SPATA6: variants seen among roughly 807,000 people sequenced by gnomAD.
The protein encoded by SPATA6 is spermatogenesis associated 6.
Under a neutral mutation model 65.3 loss-of-function variants are expected in SPATA6, and 56 were observed. The ratio of observed to expected loss-of-function variants is 0.86; its 90% confidence interval spans 0.69 to 1.07. SPATA6 has a LOEUF of 1.07. Ranked by LOEUF, SPATA6 falls within the 50% of genes least tolerant of loss-of-function variation. The pLI, the probability that SPATA6 is intolerant of heterozygous loss-of-function variation, is 0.00. For synonymous variants in SPATA6, 199 were observed against 213.2 expected, an observed-to-expected ratio of 0.93 and a Z score of 0.58; for missense variants, 590 against 594.8, an observed-to-expected ratio of 0.99 and a Z score of 0.08.
At chr1:48,381,663 T>TA (rs1397110895) in intron 9 of SPATA6, among the ~76,000 whole-genome samples, 3 of 141,342 alleles carry the variant, frequency 2.1e-5, no homozygotes, top group South Asian at 2.3e-4. Flanking sequence ...TTTTTTTTTT[T>TA]ATATGAATAG....
At chr1:48,264,016 G>A in the SPATA6 span, among the ~76,000 whole-genome samples, 2 of 151,906 alleles carry the variant, frequency 1.3e-5, no homozygotes, top group African/African-American at 4.8e-5. Context: ...TTTTGTAGAA[G>A]CTAAGTCTTG....
rs530581340 is a variant in SPATA6 at position 48,411,318 on chromosome 1, CAATT to C, written c.405+142_405+145del. Reference sequence around the variant, plus strand: ...TTAAGTAACATATTGAAATCTAAAACAATTAAGATTTAAACTACAAAACAATTAA... The same window carrying C: ...TTAAGTAACATATTGAAATCTAAAACAAGATTTAAACTACAAAACAATTAA... On this transcript the variant is annotated intron_variant, in intron 5 of 12. Transcript: ENST00000371847. The C allele has an allele frequency of 2.4e-4, 220 of 906,880 alleles. 1 individual carries two copies. The African/African-American group carries it at 3.3e-3, about 14-fold the overall frequency. 56.2% of individuals were successfully genotyped at this position (906,880 alleles called of 1,614,324 possible).
chr1:48,461,443 G>A (rs571928279), intron 1 of SPATA6, among the ~76,000 whole-genome samples: 1 of 152,006 alleles, frequency 6.6e-6, no homozygotes, highest in South Asian at 2.1e-4. Context: ...TAATGCCTAG[G>A]TTTTCTTCTA....
At chr1:48,308,392 T>G (rs1438380722) in intron 11 of SPATA6, among the ~76,000 whole-genome samples, 3 of 152,100 alleles carry the variant, frequency 2.0e-5, no homozygotes, top group Non-Finnish European at 4.4e-5. Flanking sequence ...TTTACATAAA[T>G]TACATCTTTA....
chr1:48,422,388 A>C (rs1653431009), intron 3 of SPATA6, among the ~76,000 whole-genome samples: 1 of 152,188 alleles, frequency 6.6e-6, no homozygotes, highest in African/African-American at 2.4e-5. Context: ...GAGAAATGAA[A>C]GACTGGAAAA....
rs891523485 is a variant in SPATA6 at position 48,325,498 on chromosome 1, T to C, written c.1195-19620A>G. 6.5e-6 allele frequency: 8 copies of C among 1,236,440 alleles called. No homozygotes were observed. In the Admixed American group the frequency reaches 1.0e-4, roughly 16 times the overall value. 76.6% of individuals were successfully genotyped at this position (1,236,440 alleles called of 1,614,324 possible). On this transcript the variant is annotated intron_variant, in intron 11 of 12. Coordinates refer to ENST00000371847, the MANE Select transcript of SPATA6 (RefSeq NM_019073.4). ...GAGGGATCCACATTCTCTGAGTTGA[T>C]GATCTCATCATCCTCACTGAATGTC...
At chr1:48,313,406 A>C (rs1645289725) in intron 11 of SPATA6, among the ~76,000 whole-genome samples, 1 of 152,208 alleles carries the variant, frequency 6.6e-6, no homozygotes, top group African/African-American at 2.4e-5. Context: ...TCTTAAAGAA[A>C]AGAATTTTCA....
rs34415296 is a variant in SPATA6, at chr1:48,418,544, C to CAAAAAAAAAA, written c.239-5403_239-5394dup. Among the ~76,000 whole-genome samples the CAAAAAAAAAA allele has an allele frequency of 4.8e-4, 24 of 49,696 alleles. 1 individual carries two copies. The highest frequency in any genetic ancestry group is 7.3e-4 in the Non-Finnish European group (22 of 30,034). The allele number at this position is 49,696 out of a possible 152,430, so 32.6% of individuals were successfully genotyped here. On this transcript the variant is annotated intron_variant, in intron 3 of 12. Coordinates refer to ENST00000371847, the MANE Select transcript of SPATA6 (RefSeq NM_019073.4). ...GCAACATGGCAAGAACCCATCCCTA[C>CAAAAAAAAAA]AAAAAAAAAAAAAAAAAAAAAAAAA...
intron 11 of SPATA6, among the ~76,000 whole-genome samples, chr1:48,332,182 C>T (rs1346628693): frequency 6.6e-6 from 1 of 152,154 alleles, no homozygotes; most frequent in Non-Finnish European, 1.5e-5. Flanking sequence ...ACAAGTCTAG[C>T]ATAACAACCA....
rs576063580 is a variant in SPATA6 at position 48,312,873 on chromosome 1, C to G, written c.1195-6995G>C. On this transcript the variant is annotated intron_variant, in intron 11 of 12. Coordinates refer to ENST00000371847, the MANE Select transcript of SPATA6 (RefSeq NM_019073.4). ...TTAAAGGACCTGATGGAGCTGAAAA[C>G]CACGGCAAGAGACAAACGTGACGAA... Among the ~76,000 whole-genome samples, 96 of 152,274 alleles carry G rather than the reference C, an allele frequency of 6.3e-4. 1 individual carries two copies. Among genetic ancestry groups the G allele is most frequent in the African/African-American group, 2.1e-3 (86 of 41,546 alleles).
chr1:48,423,790 G>A (rs568179564), intron 3 of SPATA6, among the ~76,000 whole-genome samples: 4 of 151,868 alleles, frequency 2.6e-5, no homozygotes, highest in African/African-American at 9.7e-5. Flanking sequence ...CAGGTGATCC[G>A]CCTGCCTCAG....
At chr1:48,275,813 G>T in the SPATA6 span, among the ~76,000 whole-genome samples, 2 of 152,162 alleles carry the variant, frequency 1.3e-5, no homozygotes, top group African/African-American at 4.8e-5. Flanking sequence ...TTGTGCCTCT[G>T]CCAGGTTTTG....
At position 48,297,208 on chromosome 1, in the gene SPATA6, C is replaced by T. The variant is rs1297537720; in HGVS notation, c.*1505G>A. The T allele has an allele frequency of 6.6e-6, 1 of 150,960 alleles. No individual in the cohort carries two copies. Among genetic ancestry groups the T allele is most frequent in the Non-Finnish European group, 1.5e-5 (1 of 67,868 alleles). The allele number at this position is 150,960 out of a possible 1,614,324, so 9.4% of individuals were successfully genotyped here. A position where few individuals can be genotyped will look rare whatever the true frequency, so the allele number is the denominator to read the frequency against. Reference sequence around the variant, plus strand: ...TTTCCTAAACTTAGATGGCCAATTACATACTTATACCTACATTCCTACGAT... The same window carrying T: ...TTTCCTAAACTTAGATGGCCAATTATATACTTATACCTACATTCCTACGAT... On this transcript the variant is annotated 3_prime_UTR_variant, in exon 13 of 13. Transcript: ENST00000371847.
rs543987812 is a variant in SPATA6, at chr1:48,338,634, G to T, written c.1194+17036C>A. Among the ~76,000 whole-genome samples the T allele has an allele frequency of 9.9e-5, 15 of 152,078 alleles. No homozygotes were observed. The South Asian group carries it at 3.1e-3, about 32-fold the overall frequency. On this transcript the variant is annotated intron_variant, in intron 11 of 12. Transcript: ENST00000371847. ...GCTATCTCTAAGAATCGAGAAACAGGCAAGACTTTTTTGGTGTGAGAATCA... is the reference window on the plus strand; with the variant it reads ...GCTATCTCTAAGAATCGAGAAACAGTCAAGACTTTTTTGGTGTGAGAATCA...
chr1:48,332,531 C>G (rs781661971), intron 11 of SPATA6, among the ~76,000 whole-genome samples: 1 of 151,926 alleles, frequency 6.6e-6, no homozygotes, highest in Non-Finnish European at 1.5e-5. Context: ...AACAAGAAGA[C>G]CTAAATTAAT....
chr1:48,275,982 T>C, the SPATA6 span, among the ~76,000 whole-genome samples: 1 of 152,128 alleles, frequency 6.6e-6, no homozygotes, highest in African/African-American at 2.4e-5. Context: ...TTTTTATTGG[T>C]AGGCTATTAA....
chr1:48,292,596 G>C (rs575957570), downstream of SPATA6, among the ~76,000 whole-genome samples: 2 of 152,242 alleles, frequency 1.3e-5, no homozygotes, highest in Non-Finnish European at 2.9e-5. Flanking sequence ...GTGGCAAGAG[G>C]TGGCCATAGG....
chr1:48,413,456 C>CT (rs35376845), intron 3 of SPATA6, among the ~76,000 whole-genome samples: 22,208 of 110,728 alleles, frequency 0.2, 2,406 homozygotes, highest in Admixed American at 0.25. Flanking sequence ...CGCCCGGATA[C>CT]TTTTTTTTTT....
At chr1:48,352,319 T>G (rs908065289) in intron 11 of SPATA6, among the ~76,000 whole-genome samples, 1 of 152,082 alleles carries the variant, frequency 6.6e-6, no homozygotes, top group African/African-American at 2.4e-5. Flanking sequence ...AAGATGAGAC[T>G]TGAGTGGGCA....
Sources: gnomAD v4.1 joint callset for allele counts (sites outside exome capture counted in the v4.1 genomes callset) on GRCh38, gnomAD v4.1.1 for gene constraint, MANE v1.5 for transcripts, NCBI Gene and HGNC (gene_info 2026-07-23, HGNC 2026-07-21) for gene names.